Variants in GCNT4 observed in about 807,000 individuals in gnomAD.
GCNT4 encodes the protein glucosaminyl (N-acetyl) transferase 4, also known as beta-1,3-galactosyl-O-glycosyl-glycoprotein beta-1,6-N-acetylglucosaminyltransferase 4.
Under a neutral mutation model 31.3 loss-of-function variants are expected in GCNT4, and 17 were observed. The observed-to-expected ratio is 0.54, with a 90% CI of 0.37 to 0.81. The LOEUF (loss-of-function observed/expected upper bound fraction) is 0.81, where lower values mean the gene tolerates loss of function less well. Among genes scored for constraint, GCNT4 ranks in the 40% least tolerant of loss-of-function variants. The pLI, the probability that GCNT4 is intolerant of heterozygous loss-of-function variation, is 0.00. For synonymous variants in GCNT4, 158 were observed against 190.6 expected (o/e 0.83, Z 1.41); for missense variants, 503 against 525.5 (o/e 0.96, Z 0.42).
chr5:75,043,805 A>G (rs1281096406), intron 3 of GCNT4, among the ~76,000 whole-genome samples: 1 of 152,244 alleles, frequency 6.6e-6, no homozygotes, highest in Non-Finnish European at 1.5e-5. Context: ...ATACATACGC[A>G]TGTCCAGGAG....
rs1422987842 is a variant in GCNT4, at chr5:75,026,180, G to A, written c.*2496C>T. 1 of 152,142 alleles carries A rather than the reference G, an allele frequency of 6.6e-6. No individual in the cohort carries two copies. The highest frequency in any genetic ancestry group is 1.5e-5 in the Non-Finnish European group (1 of 68,030). 9.4% of individuals were successfully genotyped at this position (152,142 alleles called of 1,614,324 possible). On this transcript the variant is annotated 3_prime_UTR_variant, in exon 4 of 4. Coordinates refer to ENST00000652361, the MANE Select transcript of GCNT4 (RefSeq NM_001366737.1). ...GGCATTTAAGTGATGAACAACTTTG[G>A]AAATTTCCCAATAAACAGGGGATAG...
At position 75,029,788 on chromosome 5, in the gene GCNT4, T is replaced by C. The variant is rs200285152; in HGVS notation, c.250A>G (p.Ile84Val). 3.4e-4 allele frequency: 548 copies of C among 1,614,194 alleles called. 11 individuals are homozygous for C. The Admixed American group carries it at 9.0e-3, about 26-fold the overall frequency. Reference sequence around the variant, plus strand: ...CTTCTTATTTCCAGACTCTTTCCAATTTCCAAAGGCTCCTGTTCATAGATA... The same window carrying C: ...CTTCTTATTTCCAGACTCTTTCCAACTTCCAAAGGCTCCTGTTCATAGATA... Reference protein sequence around the residue: ...SGIYEQEPLEIGKSLEIRRRD... With the variant: ...SGIYEQEPLEVGKSLEIRRRD... Residue 84 changes from isoleucine (I) to valine (V), a missense_variant, in exon 4 of 4, where the codon ATT becomes GTT. Ile to Val is a conservative substitution (Grantham distance 29). Coordinates refer to ENST00000652361, the MANE Select transcript of GCNT4 (RefSeq NM_001366737.1).
intron 2 of GCNT4, among the ~76,000 whole-genome samples, chr5:75,049,858 C>T (rs1743529365): frequency 6.6e-6 from 1 of 152,184 alleles, no homozygotes; most frequent in Admixed American, 6.5e-5. Context: ...GACAGGTTCT[C>T]AACATTCTCT....
chr5:75,026,132 C>T lies in GCNT4; in HGVS notation c.*2544G>A, dbSNP rs909553417. 1 of 152,180 alleles carries T rather than the reference C, an allele frequency of 6.6e-6. No homozygotes were observed. Among genetic ancestry groups the T allele is most frequent in the African/African-American group, 2.4e-5 (1 of 41,442 alleles). 9.4% of individuals were successfully genotyped at this position (152,180 alleles called of 1,614,324 possible). On this transcript the variant is annotated 3_prime_UTR_variant, in exon 4 of 4. Transcript: ENST00000652361. ...CTCGAAGGCACTTTCTCCGCTTCAT[C>T]CTTCCATGTTCCCTTTGAATACGGC...
At chr5:75,043,526 C>G (rs748320249) in intron 3 of GCNT4, among the ~76,000 whole-genome samples, 1 of 152,108 alleles carries the variant, frequency 6.6e-6, no homozygotes, top group Non-Finnish European at 1.5e-5. Flanking sequence ...GTAGGAGGTA[C>G]GCCATTTTGT....
intron 3 of GCNT4, among the ~76,000 whole-genome samples, chr5:75,035,588 T>C (rs568468148): frequency 8.5e-5 from 13 of 152,340 alleles, no homozygotes; most frequent in African/African-American, 3.1e-4. Context: ...TGGACTACTC[T>C]AGGAAAATGT....
At chr5:75,032,870 G>GGGGGGGGT (rs201694710) in intron 3 of GCNT4, among the ~76,000 whole-genome samples, 37 of 82,032 alleles carry the variant, frequency 4.5e-4, no homozygotes, top group Admixed American at 4.1e-3. Context: ...ATCCCAAATA[G>GGGGGGGGT]GGGTGTGTGT....
chr5:75,029,146 T>C lies in GCNT4; in HGVS notation c.892A>G (p.Ile298Val). 6.2e-7 allele frequency: 1 copy of C among 1,614,002 alleles called. No individual in the cohort carries two copies. Among genetic ancestry groups the C allele is most frequent in the South Asian group, 1.1e-5 (1 of 91,074 alleles). The stretch of plus-strand genomic sequence containing the variant: ...ACAAAATAAGCACTGCCAACAAATA[T>C]CTGAATGTTATGGGGGGGTGCTTCC... ...SKEAPPHNIQ[I>V]FVGSAYFVLS... Residue 298 changes from isoleucine (I) to valine (V), a missense_variant, in exon 4 of 4, where the codon ATA (isoleucine) becomes GTA (valine). Ile to Val is a conservative substitution (Grantham distance 29, BLOSUM62 3). Transcript: ENST00000652361.
At chr5:75,053,570 C>T (rs1456926770), upstream of GCNT4, among the ~76,000 whole-genome samples, 1 of 152,116 alleles carries the variant, frequency 6.6e-6, no homozygotes, top group Non-Finnish European at 1.5e-5. Context: ...GAGGCCGCCC[C>T]GGCGGGGGCC....
In GCNT4 at chr5:75,048,008, G is replaced by T. The variant is rs1392095358; in HGVS notation, c.-113C>A. ...CTACAGATGGCTGTACTGGGACAGT[G>T]ACCGAGGATGTAGTTCTAGAACATG... On this transcript the variant is annotated 5_prime_UTR_variant, in exon 3 of 4. The change creates a premature stop within an existing upstream ORF in the 5' untranslated region. Transcript: ENST00000652361. 1 of 152,188 alleles carries T rather than the reference G, an allele frequency of 6.6e-6. No individual in the cohort carries two copies. The highest frequency in any genetic ancestry group is 2.4e-5 in the African/African-American group (1 of 41,444). The allele number at this position is 152,188 out of a possible 1,614,324, so 9.4% of individuals were successfully genotyped here.
chr5:75,037,253 G>A (rs984979737), intron 3 of GCNT4, among the ~76,000 whole-genome samples: 4 of 152,160 alleles, frequency 2.6e-5, no homozygotes, highest in African/African-American at 9.7e-5. Context: ...GGATGTTCTG[G>A]AGTGAGACCA....
Position 75,026,510 on chromosome 5 carries a change from A to G in GCNT4, c.*2166T>C, listed in dbSNP as rs985999167. 3 of 152,116 alleles carry G rather than the reference A, an allele frequency of 2.0e-5. No homozygotes were observed. The highest frequency in any genetic ancestry group is 7.2e-5 in the African/African-American group (3 of 41,416). The allele number at this position is 152,116 out of a possible 1,614,324, so 9.4% of individuals were successfully genotyped here. A position where few individuals can be genotyped will look rare whatever the true frequency, so the allele number is the denominator to read the frequency against. ...TCTTTATATTTCAATAGTTTTTCAG[A>G]AAAGGTAAATGTTTAAGCCTTTCGA... On this transcript the variant is annotated 3_prime_UTR_variant, in exon 4 of 4. Coordinates refer to ENST00000652361, the MANE Select transcript of GCNT4 (RefSeq NM_001366737.1).
At position 75,047,944 on chromosome 5, in the gene GCNT4, G is replaced by A. The variant is rs7710706; in HGVS notation, c.-49C>T. 0.51 allele frequency: 77,175 copies of A among 152,012 alleles called. 22,839 individuals carry two copies. Among genetic ancestry groups the A allele is most frequent in the African/African-American group, 0.83 (34,495 of 41,480 alleles). The allele number at this position is 152,012 out of a possible 1,614,324, so 9.4% of individuals were successfully genotyped here. A position where few individuals can be genotyped will look rare whatever the true frequency, so the allele number is the denominator to read the frequency against. On this transcript the variant is annotated 5_prime_UTR_variant, in exon 3 of 4. It adds an upstream start codon to the 5' untranslated region. Coordinates refer to ENST00000652361, the MANE Select transcript of GCNT4 (RefSeq NM_001366737.1). ...ACCCCAGGCTGATGGTATAAACAGC[G>A]TAGGGAAAGGAACATCACCGTCAGT...
At chr5:75,041,818 A>T (rs1743327731) in intron 3 of GCNT4, among the ~76,000 whole-genome samples, 1 of 152,248 alleles carries the variant, frequency 6.6e-6, no homozygotes, top group Non-Finnish European at 1.5e-5. Flanking sequence ...CTGTGTGTGT[A>T]TCTAGCTGGG....
At chr5:75,032,886 T>G (rs1042987972) in intron 3 of GCNT4, among the ~76,000 whole-genome samples, 9 of 100,352 alleles carry the variant, frequency 9.0e-5, no homozygotes, top group Non-Finnish European at 2.0e-4. Flanking sequence ...TGTGTGTGTG[T>G]GTGTGTGTGT....
chr5:75,040,028 C>A (rs536584026), intron 3 of GCNT4, among the ~76,000 whole-genome samples: 1 of 152,138 alleles, frequency 6.6e-6, no homozygotes, highest in Admixed American at 6.5e-5. Context: ...CTAAGCAACA[C>A]CAGCCTTCTA....
At position 75,028,137 on chromosome 5, in the gene GCNT4, T is replaced by C. The variant is rs184493033; in HGVS notation, c.*539A>G. ...GCAAGCAGGAAATTGGACTATTCTT[T>C]GAGATTTTTCTGAGGTAGTGAGTCT... On this transcript the variant is annotated 3_prime_UTR_variant, in exon 4 of 4. Transcript: ENST00000652361. The C allele has an allele frequency of 1.3e-5, 2 of 153,064 alleles. No individual in the cohort carries two copies. Among genetic ancestry groups the C allele is most frequent in the African/African-American group, 2.4e-5 (1 of 41,516 alleles). The allele number at this position is 153,064 out of a possible 1,614,324, so 9.5% of individuals were successfully genotyped here. A position where few individuals can be genotyped will look rare whatever the true frequency, so the allele number is the denominator to read the frequency against.
In GCNT4 at chr5:75,026,857, T is replaced by C. The variant is rs1249249967; in HGVS notation, c.*1819A>G. 1 of 151,998 alleles carries C rather than the reference T, an allele frequency of 6.6e-6. No homozygotes were observed. The highest frequency in any genetic ancestry group is 1.5e-5 in the Non-Finnish European group (1 of 68,030). The allele number at this position is 151,998 out of a possible 1,614,324, so 9.4% of individuals were successfully genotyped here. A position where few individuals can be genotyped will look rare whatever the true frequency, so the allele number is the denominator to read the frequency against. On this transcript the variant is annotated 3_prime_UTR_variant, in exon 4 of 4. Transcript: ENST00000652361. ...TTTGAAGAATGGGGCTTGGTAATAG[T>C]TATTTCCAAAGAATGAAGTAATTTG... is the stretch of plus-strand genomic sequence containing the variant.
intron 3 of GCNT4, among the ~76,000 whole-genome samples, chr5:75,035,610 T>C (rs1009605667): frequency 6.6e-6 from 1 of 152,214 alleles, no homozygotes; most frequent in African/African-American, 2.4e-5. Flanking sequence ...GCCAGATTGC[T>C]TTTTAAAGCA....
Sources: gnomAD v4.1 joint callset for allele counts (sites outside exome capture counted in the v4.1 genomes callset) on GRCh38, gnomAD v4.1.1 for gene constraint, MANE v1.5 for transcripts, NCBI Gene and HGNC (gene_info 2026-07-23, HGNC 2026-07-21) for gene names.